IQGAP2: variants seen among roughly 807,000 people sequenced by gnomAD.
IQGAP2 encodes the protein IQ motif containing GTPase activating protein 2, also known as ras GTPase-activating-like protein IQGAP2.
IQGAP2 carries 173 observed loss-of-function variants against 201.3 expected under a neutral mutation model. That is an observed-to-expected ratio of 0.86 (90% CI 0.76 to 0.98). The LOEUF (loss-of-function observed/expected upper bound fraction) is 0.98, where lower values mean the gene tolerates loss of function less well. Among genes scored for constraint, IQGAP2 ranks in the 50% least tolerant of loss-of-function variants. IQGAP2 has a pLI of 0.00. For missense variants in IQGAP2, 1,687 were observed against 1,864.8 expected (o/e 0.90, Z 1.76); for synonymous variants, 675 against 673.9 (o/e 1.00, Z -0.03).
In IQGAP2 at chr5:76,461,547, A is replaced by T. The variant is rs1370431010; in HGVS notation, c.47-23A>T. On this transcript the variant is annotated intron_variant, in intron 1 of 35. Coordinates refer to ENST00000274364, the MANE Select transcript of IQGAP2 (RefSeq NM_006633.5). ...AATGAAGACTGCCTTTGTAAATCACATGTTGTTATCCTCTATTTCTAGCTA... is the reference window on the plus strand; with the variant it reads ...AATGAAGACTGCCTTTGTAAATCACTTGTTGTTATCCTCTATTTCTAGCTA... The T allele has an allele frequency of 7.1e-6, 11 of 1,552,166 alleles. No homozygotes were observed. The East Asian group carries it at 2.5e-4, about 35-fold the overall frequency.
At chr5:76,558,057 C>T (rs950046067) in intron 2 of IQGAP2, among the ~76,000 whole-genome samples, 12 of 152,186 alleles carry the variant, frequency 7.9e-5, no homozygotes, top group African/African-American at 2.2e-4. Flanking sequence ...CGCCTGCCTG[C>T]GCCTCCCAAA....
At chr5:76,577,106 T>G (rs1745521086) in intron 5 of IQGAP2, among the ~76,000 whole-genome samples, 1 of 152,274 alleles carries the variant, frequency 6.6e-6, no homozygotes, top group African/African-American at 2.4e-5. Flanking sequence ...ATCACAGTGC[T>G]AATCTCTAGT....
chr5:76,545,377 C>T (rs945998549), intron 2 of IQGAP2, among the ~76,000 whole-genome samples: 2 of 152,132 alleles, frequency 1.3e-5, no homozygotes, highest in African/African-American at 4.8e-5. Context: ...ACCTCGGGGG[C>T]AAAGGTTAAG....
chr5:76,609,804 C>T (rs1748116829), intron 12 of IQGAP2, among the ~76,000 whole-genome samples: 1 of 150,040 alleles, frequency 6.7e-6, no homozygotes, highest in South Asian at 2.1e-4. Flanking sequence ...AGCAAAAGCT[C>T]CTTGGCAGTG....
At chr5:76,491,581 G>A (rs1028197410) in intron 2 of IQGAP2, among the ~76,000 whole-genome samples, 1 of 152,132 alleles carries the variant, frequency 6.6e-6, no homozygotes, top group African/African-American at 2.4e-5. Flanking sequence ...TGGGATTACA[G>A]GCGTGAGCCA....
Position 76,622,006 on chromosome 5 carries a change from G to A in IQGAP2, c.1522-5404G>A, listed in dbSNP as rs1749729368. ...TCCCTCTTTTCCATTTACCTCTAGA[G>A]ACAGAAACTAAAAACCATGGCTTCA... On this transcript the variant is annotated intron_variant, in intron 13 of 35. Coordinates refer to ENST00000274364, the MANE Select transcript of IQGAP2 (RefSeq NM_006633.5). Among the ~76,000 whole-genome samples, 3 of 152,010 alleles carry A rather than the reference G, an allele frequency of 2.0e-5. No individual in the cohort carries two copies. In the South Asian group the frequency reaches 6.2e-4, roughly 32 times the overall value.
At chr5:76,444,740 A>T (rs1753269684) in intron 1 of IQGAP2, among the ~76,000 whole-genome samples, 1 of 152,242 alleles carries the variant, frequency 6.6e-6, no homozygotes, top group Non-Finnish European at 1.5e-5. Context: ...TTGGCAGTCG[A>T]AGAAGTAAAA....
chr5:76,556,202 T>A (rs938453246), intron 2 of IQGAP2, among the ~76,000 whole-genome samples: 6 of 152,104 alleles, frequency 3.9e-5, no homozygotes, highest in African/African-American at 1.4e-4. Flanking sequence ...TACCTAGAGC[T>A]CATAGATTGG....
chr5:76,414,093 G>A (rs1371045545), intron 1 of IQGAP2, among the ~76,000 whole-genome samples: 2 of 152,206 alleles, frequency 1.3e-5, no homozygotes, highest in Non-Finnish European at 1.5e-5. Flanking sequence ...CGCAACTCAC[G>A]TGCCCACTTT....
intron 1 of IQGAP2, among the ~76,000 whole-genome samples, chr5:76,426,702 G>A (rs906326174): frequency 2.0e-5 from 3 of 152,172 alleles, no homozygotes; most frequent in Admixed American, 6.5e-5. Flanking sequence ...GGCGCTGGAC[G>A]AGAGGATCAC....
intron 2 of IQGAP2, among the ~76,000 whole-genome samples, chr5:76,466,593 C>G (rs750833912): frequency 1.8e-4 from 28 of 152,296 alleles, no homozygotes; most frequent in Admixed American, 3.3e-4. Flanking sequence ...AGTCAATTCA[C>G]TGGGAGTGAG....
chr5:76,683,680 A>G, intron 29 of IQGAP2, 96 bp from the exon 30 acceptor site: 2 of 1,174,132 alleles, frequency 1.7e-6, no homozygotes, highest in Non-Finnish European at 2.4e-6. Flanking sequence ...TTTAATTACC[A>G]AGCCTATCTT....
intron 30 of IQGAP2, among the ~76,000 whole-genome samples, chr5:76,687,601 G>T (rs1745901209): frequency 6.6e-6 from 1 of 152,162 alleles, no homozygotes; most frequent in East Asian, 1.9e-4. Flanking sequence ...TGTATTTACA[G>T]CTGCTCCCCA....
rs1305959045 is a variant in IQGAP2, at chr5:76,404,520, T to C, written c.46+929T>C. ...AGGTTAATCTTTGCCCAGGCTGGCC[T>C]TGGTGGCAGAGGTACCAGGTTTGGG... On this transcript the variant is annotated intron_variant, in intron 1 of 35. Transcript: ENST00000274364. The C allele has an allele frequency of 3.0e-6, 3 of 984,926 alleles. No homozygotes were observed. The African/African-American group carries it at 5.2e-5, about 17-fold the overall frequency. 61.0% of individuals were successfully genotyped at this position (984,926 alleles called of 1,614,324 possible).
chr5:76,668,589 C>A, intron 22 of IQGAP2, 92 bp from the exon 23 acceptor site: 2 of 972,642 alleles, frequency 2.1e-6, no homozygotes, highest in South Asian at 1.5e-5. Context: ...CATTGAAGAG[C>A]AGGGAATCAG....
intron 1 of IQGAP2, among the ~76,000 whole-genome samples, chr5:76,419,333 T>TTTTCG (rs140906187): frequency 2.7e-5 from 4 of 150,324 alleles, no homozygotes; most frequent in Admixed American, 6.6e-5. Context: ...TCACTAGGGT[T>TTTTCG]TTTTGTTTTG....
At chr5:76,504,288 G>T (rs1757467826) in intron 2 of IQGAP2, among the ~76,000 whole-genome samples, 1 of 152,126 alleles carries the variant, frequency 6.6e-6, no homozygotes, top group Admixed American at 6.5e-5. Flanking sequence ...AGAGTCTTTG[G>T]ATACAGCTCA....
At chr5:76,461,457 C>A in intron 1 of IQGAP2, 113 bp from the exon 2 acceptor site, 1 of 618,948 alleles carries the variant, frequency 1.6e-6, no homozygotes, top group East Asian at 2.9e-5. Flanking sequence ...TTCAATACTC[C>A]TGTCTCTGAA....
intron 4 of IQGAP2, among the ~76,000 whole-genome samples, chr5:76,572,309 G>T (rs1340226812): frequency 1.3e-5 from 2 of 151,416 alleles, no homozygotes; most frequent in Non-Finnish European, 1.5e-5. Context: ...CGCCTCCCAG[G>T]TTCAAGTGAT....
Sources: allele counts gnomAD v4.1 joint callset (sites outside exome capture counted in the v4.1 genomes callset), GRCh38; gene constraint gnomAD v4.1.1; transcripts MANE v1.5; gene names NCBI Gene and HGNC (gene_info 2026-07-23, HGNC 2026-07-21).